Variants in PLEKHA5 observed in about 807,000 individuals in gnomAD.
PLEKHA5 encodes pleckstrin homology domain containing A5, also known as pleckstrin homology domain-containing family A member 5.
Under a neutral mutation model 181.9 loss-of-function variants are expected in PLEKHA5, and 55 were observed. The observed-to-expected ratio is 0.30, with a 90% CI of 0.24 to 0.38. The LOEUF (loss-of-function observed/expected upper bound fraction) is 0.38. PLEKHA5 is among the 10% of genes least tolerant of loss of function. The probability of loss-of-function intolerance (pLI) is 1.00; values close to 1 mark genes in which losing one functional copy is unlikely to be tolerated. For missense variants in PLEKHA5, 1,432 were observed against 1,549.5 expected (o/e 0.92, Z 1.27); for synonymous variants, 535 against 529.4 (o/e 1.01, Z -0.15).
intron 23 of PLEKHA5, 34 bp downstream of exon 23, chr12:19,345,922 C>T: frequency 1.0e-6 from 1 of 1,000,372 alleles, no homozygotes; most frequent in Non-Finnish European, 1.6e-6. Flanking sequence ...TTATAAATTA[C>T]TTTTAATGCT....
chr12:19,276,050 A>G (rs1001231097), intron 11 of PLEKHA5, among the ~76,000 whole-genome samples: 1 of 152,198 alleles, frequency 6.6e-6, no homozygotes, highest in Non-Finnish European at 1.5e-5. Flanking sequence ...GAGTCTAGGA[A>G]AACCTTTGTA....
intron 22 of PLEKHA5, among the ~76,000 whole-genome samples, chr12:19,344,702 G>C (rs1306285061): frequency 6.6e-6 from 1 of 152,186 alleles, no homozygotes; most frequent in Non-Finnish European, 1.5e-5. Context: ...TAATGTTTGA[G>C]AAAACCCATT....
intron 3 of PLEKHA5, among the ~76,000 whole-genome samples, chr12:19,215,872 G>A (rs2057873044): frequency 6.6e-6 from 1 of 152,152 alleles, no homozygotes; most frequent in African/African-American, 2.4e-5. Flanking sequence ...TTACAAATAA[G>A]ATGTGTTAGA....
chr12:19,310,769 C>T (rs529774655), intron 15 of PLEKHA5, among the ~76,000 whole-genome samples: 1 of 152,184 alleles, frequency 6.6e-6, no homozygotes, highest in African/African-American at 2.4e-5. Flanking sequence ...ATTAGCTGGG[C>T]GTGGTTTTTT....
At chr12:19,297,923 G>A (rs1422405854) in intron 15 of PLEKHA5, among the ~76,000 whole-genome samples, 1 of 151,138 alleles carries the variant, frequency 6.6e-6, no homozygotes, top group Non-Finnish European at 1.5e-5. Context: ...AATCTTTTTT[G>A]GGCTGGGCAC....
chr12:19,335,030 G>T (rs375292391), intron 20 of PLEKHA5, among the ~76,000 whole-genome samples: 115 of 92,586 alleles, frequency 1.2e-3, no homozygotes, highest in African/African-American at 3.0e-3. Context: ...TCAGTTTTTT[G>T]TTTTTTTTTT....
At chr12:19,165,812 A>C (rs2044228471) in intron 3 of PLEKHA5, among the ~76,000 whole-genome samples, 1 of 152,224 alleles carries the variant, frequency 6.6e-6, no homozygotes, top group Admixed American at 6.5e-5. Context: ...CAATTTCATC[A>C]TAGTTACACA....
chr12:19,255,448 G>A (rs962669792), intron 5 of PLEKHA5, among the ~76,000 whole-genome samples: 42 of 152,024 alleles, frequency 2.8e-4, no homozygotes, highest in African/African-American at 9.9e-4. Flanking sequence ...TAATAGCCTA[G>A]AAATCAAATT....
intron 5 of PLEKHA5, among the ~76,000 whole-genome samples, chr12:19,257,137 A>C (rs2152564923): frequency 6.6e-6 from 1 of 152,264 alleles, no homozygotes; most frequent in South Asian, 2.1e-4. Context: ...TTTATATAGC[A>C]GGTAGGACAA....
chr12:19,200,391 G>T, intron 3 of PLEKHA5: 1 of 1,524,350 alleles, frequency 6.6e-7, no homozygotes. Flanking sequence ...GTATCTGTAT[G>T]CAGGCCTATG....
intron 3 of PLEKHA5, among the ~76,000 whole-genome samples, chr12:19,194,440 T>G (rs1449374382): frequency 6.6e-6 from 1 of 152,188 alleles, no homozygotes; most frequent in Admixed American, 6.5e-5. Context: ...TAATGAATTC[T>G]TTTCCTTTGG....
In PLEKHA5 at chr12:19,359,516, C is replaced by T. The variant is rs762368741; in HGVS notation, c.3453C>T (p.Thr1151=). 3.7e-5 allele frequency: 60 copies of T among 1,613,740 alleles called. No homozygotes were observed. The highest frequency in any genetic ancestry group is 2.7e-4 in the South Asian group (25 of 91,070). The change falls in exon 28 of 32, where the codon ACC becomes ACT. Residue 1151 remains threonine (T), a synonymous_variant. Coordinates refer to ENST00000429027, the MANE Select transcript of PLEKHA5 (RefSeq NM_001256470.2). ...CAGAAATTGTTCAACTAAAAGAAAC[C>T]GAACCCCAAAATGTGGACTTCAGCA... is the stretch of plus-strand genomic sequence containing the variant. The part of the protein sequence containing the change: ...PATEIVQLKE[T]EPQNVDFSKE...
intron 3 of PLEKHA5, among the ~76,000 whole-genome samples, chr12:19,202,179 C>CA (rs896593039): frequency 6.6e-6 from 1 of 151,894 alleles, no homozygotes; most frequent in Non-Finnish European, 1.5e-5. Context: ...TCTATTACCA[C>CA]AAAAAAATTC....
At chr12:19,357,663 C>T (rs2095025352) in intron 26 of PLEKHA5, among the ~76,000 whole-genome samples, 1 of 151,810 alleles carries the variant, frequency 6.6e-6, no homozygotes, top group Non-Finnish European at 1.5e-5. Context: ...GCATCTGGCT[C>T]TGTCATGTCA....
intron 16 of PLEKHA5, among the ~76,000 whole-genome samples, chr12:19,319,326 A>T (rs542440202): frequency 1.3e-5 from 2 of 152,318 alleles, no homozygotes; most frequent in African/African-American, 4.8e-5. Flanking sequence ...ATGTCTTGAA[A>T]TGAAATATAA....
At chr12:19,172,963 T>A (rs1025961647) in intron 3 of PLEKHA5, among the ~76,000 whole-genome samples, 19 of 52,156 alleles carry the variant, frequency 3.6e-4, no homozygotes, top group African/African-American at 7.9e-4. Context: ...GGAAAAAAGT[T>A]GTTTTTTTTT....
chr12:19,190,187 G>T (rs1029008599), intron 3 of PLEKHA5, among the ~76,000 whole-genome samples: 2 of 152,090 alleles, frequency 1.3e-5, no homozygotes, highest in Non-Finnish European at 2.9e-5. Flanking sequence ...AAAGTTTTAG[G>T]AAATATTTTG....
intron 3 of PLEKHA5, chr12:19,201,975 A>T: frequency 2.2e-6 from 2 of 901,094 alleles, no homozygotes; most frequent in Non-Finnish European, 2.7e-6. Flanking sequence ...ACACTGCAAT[A>T]AAACTAAATA....
chr12:19,258,912 A>T (rs912002660), intron 6 of PLEKHA5, among the ~76,000 whole-genome samples: 8 of 152,090 alleles, frequency 5.3e-5, no homozygotes, highest in African/African-American at 1.9e-4. Flanking sequence ...TAGTCTTTCT[A>T]ATAAGTCCAA....
Sources: allele counts gnomAD v4.1 joint callset (sites outside exome capture counted in the v4.1 genomes callset), GRCh38; gene constraint gnomAD v4.1.1; transcripts MANE v1.5; gene names NCBI Gene and HGNC (gene_info 2026-07-23, HGNC 2026-07-21).